TTC28: variants seen among roughly 807,000 people sequenced by gnomAD.
TTC28 encodes the protein tetratricopeptide repeat protein 28.
Under a neutral mutation model 198.0 loss-of-function variants are expected in TTC28, and 61 were observed. The ratio of observed to expected loss-of-function variants is 0.31; its 90% CI spans 0.25 to 0.38. The LOEUF is 0.38. Among genes scored for constraint, TTC28 ranks in the 10% least tolerant of loss-of-function variants. TTC28 has a pLI of 1.00. For missense variants in TTC28, 2,678 were observed against 3,164.0 expected (o/e 0.85, Z 3.69); for synonymous variants, 1,171 against 1,297.8 (o/e 0.90, Z 2.10).
At chr22:28,364,632 A>C (rs1307252623) in intron 2 of TTC28, among the ~76,000 whole-genome samples, 1 of 152,154 alleles carries the variant, frequency 6.6e-6, no homozygotes, top group Non-Finnish European at 1.5e-5. Context: ...GGAAGTTTGG[A>C]AGAAGTCAAT....
intron 6 of TTC28, among the ~76,000 whole-genome samples, chr22:28,129,828 A>G (rs1433127889): frequency 6.6e-6 from 1 of 152,192 alleles, no homozygotes; most frequent in South Asian, 2.1e-4. Context: ...TAATGTGAGT[A>G]AGAATCACAG....
rs1410760272 is a variant in TTC28, at chr22:28,035,387, C to G, written c.3933-5021G>C. Among the ~76,000 whole-genome samples, 3 of 152,194 alleles carry G rather than the reference C, an allele frequency of 2.0e-5. No individual in the cohort carries two copies. The East Asian group carries it at 5.8e-4, about 29-fold the overall frequency. On this transcript the variant is annotated intron_variant, in intron 12 of 22. Coordinates refer to ENST00000397906, the MANE Select transcript of TTC28 (RefSeq NM_001145418.2). ...CAGCAAAACGCTCCTTCTTTCAAAG[C>G]AAGGATCTTTTTGCAGTTGGTAAAA...
At chr22:28,163,032 C>T in intron 6 of TTC28, 60 bp downstream of exon 6, 1 of 1,472,460 alleles carries the variant, frequency 6.8e-7, no homozygotes, top group South Asian at 1.4e-5. Flanking sequence ...TAGTGATCTA[C>T]TCCAGCTATT....
chr22:28,622,975 C>T (rs143825431), intron 2 of TTC28, among the ~76,000 whole-genome samples: 2,423 of 152,186 alleles, frequency 0.016, 86 homozygotes, highest in African/African-American at 0.056. Context: ...GCGCCTGCCA[C>T]CACACCGAGC....
At chr22:28,377,636 C>G (rs905409769) in intron 2 of TTC28, among the ~76,000 whole-genome samples, 1 of 152,014 alleles carries the variant, frequency 6.6e-6, no homozygotes, top group Non-Finnish European at 1.5e-5. Context: ...AATAGTGAGG[C>G]AAAATTAACG....
rs780074002 is a variant in TTC28 at position 27,983,071 on chromosome 22, G to A, written c.6596C>T (p.Ala2199Val). The change falls in exon 23 of 23, where the codon GCG (alanine) becomes GTG (valine). Residue 2199 changes from alanine (A) to valine (V), a missense_variant. Transcript: ENST00000397906. ...TCTGAAGACAGCAGTGCTGCTGGGC[G>A]CCTGAACGCCGTCTTCAGGGTTATT... is the stretch of plus-strand genomic sequence containing the variant. Reference protein sequence around the residue: ...KSNNPEDGVQAPSSTAVFRAS... With the variant: ...KSNNPEDGVQVPSSTAVFRAS... 3.9e-5 allele frequency: 60 copies of A among 1,551,596 alleles called. No homozygotes were observed. The highest frequency in any genetic ancestry group is 1.8e-4 in the South Asian group (15 of 84,064).
At chr22:28,204,256 A>C (rs995476987) in intron 5 of TTC28, among the ~76,000 whole-genome samples, 4 of 152,136 alleles carry the variant, frequency 2.6e-5, no homozygotes, top group Non-Finnish European at 5.9e-5. Flanking sequence ...CTCAACAACT[A>C]TTAGGAATTA....
intron 2 of TTC28, among the ~76,000 whole-genome samples, chr22:28,502,874 A>G (rs957902731): frequency 9.9e-5 from 15 of 152,152 alleles, no homozygotes; most frequent in Admixed American, 3.3e-4. Context: ...AAAATTCATC[A>G]TCAAATGCCA....
At chr22:28,561,234 C>T (rs941103454) in intron 2 of TTC28, among the ~76,000 whole-genome samples, 76 of 151,764 alleles carry the variant, frequency 5.0e-4, no homozygotes, top group African/African-American at 1.6e-3. Context: ...CCGCCACGCC[C>T]GGCCAATTTT....
intron 6 of TTC28, among the ~76,000 whole-genome samples, chr22:28,134,980 G>A (rs925076422): frequency 4.6e-5 from 7 of 152,006 alleles, no homozygotes; most frequent in East Asian, 1.9e-4. Flanking sequence ...TTTGAGCATC[G>A]GTATCATCTC....
intron 22 of TTC28, among the ~76,000 whole-genome samples, chr22:27,984,530 C>CA (rs915814885): frequency 2.0e-5 from 3 of 152,086 alleles, no homozygotes; most frequent in African/African-American, 7.2e-5. Context: ...CTCCGACCCG[C>CA]ATGCACCCCG....
chr22:28,358,487 A>G (rs1433979413), intron 2 of TTC28, among the ~76,000 whole-genome samples: 1 of 152,204 alleles, frequency 6.6e-6, no homozygotes, highest in Non-Finnish European at 1.5e-5. Flanking sequence ...CTAGTTCCTT[A>G]GAGCACTACA....
intron 5 of TTC28, among the ~76,000 whole-genome samples, chr22:28,262,900 G>A (rs1436821121): frequency 1.3e-5 from 2 of 152,140 alleles, no homozygotes; most frequent in Non-Finnish European, 2.9e-5. Context: ...GTGGTTGACA[G>A]AGAAGCACAC....
chr22:28,016,612 CA>C (rs759691609), intron 13 of TTC28, among the ~76,000 whole-genome samples: 32 of 152,290 alleles, frequency 2.1e-4, no homozygotes, highest in African/African-American at 6.0e-4. Context: ...TGGGGGTGAC[CA>C]GGGGGAGTGC....
At chr22:28,591,079 A>G (rs2050427628) in intron 2 of TTC28, among the ~76,000 whole-genome samples, 1 of 122,238 alleles carries the variant, frequency 8.2e-6, no homozygotes. Flanking sequence ...ATATATATAT[A>G]TATATAGGAA....
chr22:28,044,872 C>T (rs1438463043), intron 12 of TTC28, among the ~76,000 whole-genome samples: 1 of 152,098 alleles, frequency 6.6e-6, no homozygotes, highest in Non-Finnish European at 1.5e-5. Flanking sequence ...TTTCCCCTAG[C>T]TTTTCTTTGT....
chr22:28,548,100 A>C (rs1294696686), intron 2 of TTC28, among the ~76,000 whole-genome samples: 6 of 152,160 alleles, frequency 3.9e-5, no homozygotes, highest in African/African-American at 1.2e-4. Flanking sequence ...CTATCAAGTG[A>C]CATTTAATTT....
chr22:28,434,500 A>G (rs2047488256), intron 2 of TTC28, among the ~76,000 whole-genome samples: 1 of 152,150 alleles, frequency 6.6e-6, no homozygotes, highest in Non-Finnish European at 1.5e-5. Context: ...CCTAACCAAC[A>G]AGGTGAAACC....
intron 2 of TTC28, among the ~76,000 whole-genome samples, chr22:28,616,893 T>C (rs2050913151): frequency 1.3e-5 from 2 of 151,666 alleles, no homozygotes; most frequent in African/African-American, 4.9e-5. Flanking sequence ...TGAACAAGAA[T>C]ACAAGAAAAG....
Sources: gnomAD v4.1 joint callset for allele counts (sites outside exome capture counted in the v4.1 genomes callset) on GRCh38, gnomAD v4.1.1 for gene constraint, MANE v1.5 for transcripts, NCBI Gene and HGNC (gene_info 2026-07-23, HGNC 2026-07-21) for gene names.